SRBD1: variants seen among roughly 807,000 people sequenced by gnomAD.
SRBD1 encodes S1 RNA binding domain 1, also known as S1 RNA-binding domain-containing protein 1.
Under a neutral mutation model 115.3 loss-of-function variants are expected in SRBD1, and 88 were observed. That is an observed-to-expected ratio of 0.76 (90% confidence interval 0.64 to 0.91). The LOEUF is 0.91. SRBD1 is among the 40% of genes least tolerant of loss of function. The pLI is 0.00. For synonymous variants in SRBD1, 509 were observed against 407.7 expected (o/e 1.25, Z -2.99); for missense variants, 1,385 against 1,177.4 (o/e 1.18, Z -2.58).
At chr2:45,389,742 A>G in intron 20 of SRBD1, 143 bp from the exon 21 acceptor site, 1 of 793,956 alleles carries the variant, frequency 1.3e-6, no homozygotes, top group Non-Finnish European at 1.9e-6. Flanking sequence ...GCTGCAGACC[A>G]ACGCTTGCCT....
At chr2:45,490,513 T>C (rs1487866758) in intron 14 of SRBD1, among the ~76,000 whole-genome samples, 1 of 152,064 alleles carries the variant, frequency 6.6e-6, no homozygotes, top group African/African-American at 2.4e-5. Flanking sequence ...AAAGACAGAG[T>C]ATCCATGAAG....
At chr2:45,391,966 AC>A (rs1469524218) in intron 20 of SRBD1, among the ~76,000 whole-genome samples, 2 of 152,112 alleles carry the variant, frequency 1.3e-5, no homozygotes. Flanking sequence ...CCTGCTAAAA[AC>A]CAGCCCAGAA....
intron 16 of SRBD1, among the ~76,000 whole-genome samples, chr2:45,473,691 T>C (rs1291121867): frequency 1.4e-5 from 2 of 141,538 alleles, no homozygotes; most frequent in Non-Finnish European, 3.3e-5. Flanking sequence ...TCTCATTCTT[T>C]CCTTTGCAGA....
chr2:45,420,099 T>C (rs1374319084), intron 16 of SRBD1, among the ~76,000 whole-genome samples: 2 of 152,216 alleles, frequency 1.3e-5, no homozygotes, highest in African/African-American at 4.8e-5. Flanking sequence ...TATACCTAAT[T>C]TGAATATAAC....
rs192402131 is a variant in SRBD1 at position 45,534,959 on chromosome 2, C to T, written c.1874+11773G>A. Among the ~76,000 whole-genome samples the T allele has an allele frequency of 1.2e-4, 19 of 152,018 alleles. No individual in the cohort carries two copies. The East Asian group carries it at 3.7e-3, about 29-fold the overall frequency. On this transcript the variant is annotated intron_variant, in intron 14 of 20. Transcript: ENST00000263736. ...GAAACCCGAGAAATCATCCAAAAAT[C>T]TCTACCAAAAATTCCCCCTACCATC...
At chr2:45,462,373 C>G (rs1234127987) in intron 16 of SRBD1, among the ~76,000 whole-genome samples, 2 of 152,168 alleles carry the variant, frequency 1.3e-5, no homozygotes. Flanking sequence ...CTCAAAAAGT[C>G]TTTGCAAGTT....
At position 45,508,102 on chromosome 2, in the gene SRBD1, G is replaced by T. The variant is rs367782073; in HGVS notation, c.1875-19771C>A. On this transcript the variant is annotated intron_variant, in intron 14 of 20. Coordinates refer to ENST00000263736, the MANE Select transcript of SRBD1 (RefSeq NM_018079.5). The stretch of plus-strand genomic sequence containing the variant: ...ATATGCTAAACAAATTTAGAAGGTT[G>T]TTCAGCTATTCAGTCACACTATAAT... Among the ~76,000 whole-genome samples the T allele has an allele frequency of 1.6e-4, 24 of 152,222 alleles. No homozygotes were observed. In the East Asian group the frequency reaches 4.2e-3, roughly 27 times the overall value.
At chr2:45,438,509 T>C (rs1244374456) in intron 16 of SRBD1, among the ~76,000 whole-genome samples, 4 of 152,134 alleles carry the variant, frequency 2.6e-5, no homozygotes, top group African/African-American at 4.8e-5. Flanking sequence ...AATCAATGAA[T>C]AGATGGTAAA....
intron 19 of SRBD1, among the ~76,000 whole-genome samples, chr2:45,410,089 C>A (rs1190931731): frequency 6.6e-6 from 1 of 151,968 alleles, no homozygotes; most frequent in Non-Finnish European, 1.5e-5. Context: ...TAGAAAATGG[C>A]CAAATAATAT....
At chr2:45,586,711 T>A (rs78893500) in intron 4 of SRBD1, among the ~76,000 whole-genome samples, 1 of 144,320 alleles carries the variant, frequency 6.9e-6, no homozygotes, top group Non-Finnish European at 1.5e-5. Context: ...ACCTGGCTAA[T>A]TTTTTTTTTT....
At chr2:45,564,542 G>C (rs1393656127) in intron 9 of SRBD1, among the ~76,000 whole-genome samples, 1 of 152,106 alleles carries the variant, frequency 6.6e-6, no homozygotes, top group Non-Finnish European at 1.5e-5. Flanking sequence ...CTAATAAAGA[G>C]TTCAGCAAAG....
chr2:45,561,730 T>G (rs1672670648), intron 10 of SRBD1, among the ~76,000 whole-genome samples: 1 of 152,146 alleles, frequency 6.6e-6, no homozygotes, highest in African/African-American at 2.4e-5. Context: ...AAATTAAAAC[T>G]AAAAGTAAAA....
chr2:45,432,724 G>C (rs1186292661), intron 16 of SRBD1, among the ~76,000 whole-genome samples: 1 of 152,066 alleles, frequency 6.6e-6, no homozygotes, highest in Non-Finnish European at 1.5e-5. Flanking sequence ...CTGAATTTTT[G>C]GGGCAAGTTA....
At chr2:45,485,480 AACAT>A (rs1430338717) in intron 15 of SRBD1, among the ~76,000 whole-genome samples, 42 of 152,326 alleles carry the variant, frequency 2.8e-4, no homozygotes, top group African/African-American at 9.9e-4. Flanking sequence ...GAAGGAATAA[AACAT>A]ACACTCAATC....
intron 14 of SRBD1, among the ~76,000 whole-genome samples, chr2:45,499,591 T>C (rs906758092): frequency 1.3e-5 from 2 of 152,188 alleles, no homozygotes; most frequent in Admixed American, 1.3e-4. Context: ...CGGCAGCATT[T>C]CCCCCAATGT....
intron 10 of SRBD1, among the ~76,000 whole-genome samples, chr2:45,556,430 CTGCTCTA>C (rs1366951640): frequency 7.0e-6 from 1 of 141,912 alleles, no homozygotes; most frequent in African/African-American, 2.6e-5. Flanking sequence ...ATGATCTGTT[CTGCTCTA>C]TGCTCTATTA....
intron 19 of SRBD1, among the ~76,000 whole-genome samples, chr2:45,398,381 G>A (rs1198420060): frequency 6.6e-6 from 1 of 151,886 alleles, no homozygotes; most frequent in African/African-American, 2.4e-5. Flanking sequence ...AAAAAGAAAT[G>A]ACAAGAGAAA....
chr2:45,585,128 C>A (rs771549761), intron 5 of SRBD1, among the ~76,000 whole-genome samples: 1 of 149,632 alleles, frequency 6.7e-6, no homozygotes, highest in Non-Finnish European at 1.5e-5. Context: ...TCAGCCCAGG[C>A]GACAGAGCAA....
Position 45,533,340 on chromosome 2 carries a change from C to T in SRBD1, c.1874+13392G>A, listed in dbSNP as rs116342290. Among the ~76,000 whole-genome samples, 518 of 152,156 alleles carry T rather than the reference C, an allele frequency of 3.4e-3. 1 individual carries two copies. Among genetic ancestry groups the T allele is most frequent in the Non-Finnish European group, 5.8e-3 (391 of 67,944 alleles). Reference sequence around the variant, plus strand: ...GCAGAAATTAAGACTGCACTGGACCCTATCTACAGAGATGGTTACTAAAAG... The same window carrying T: ...GCAGAAATTAAGACTGCACTGGACCTTATCTACAGAGATGGTTACTAAAAG... On this transcript the variant is annotated intron_variant, in intron 14 of 20. Transcript: ENST00000263736.
Sources: allele counts gnomAD v4.1 joint callset (sites outside exome capture counted in the v4.1 genomes callset), GRCh38; gene constraint gnomAD v4.1.1; transcripts MANE v1.5; gene names NCBI Gene and HGNC (gene_info 2026-07-23, HGNC 2026-07-21).